The following GRIN2A variants were observed in gnomAD, a reference collection of about 807,000 sequenced individuals.
GRIN2A encodes glutamate ionotropic receptor NMDA type subunit 2A.
GRIN2A carries 22 observed loss-of-function variants against 113.4 expected under a neutral mutation model. That is an observed-to-expected ratio of 0.19 (90% CI 0.14 to 0.28). The LOEUF is 0.28. GRIN2A is among the 10% of genes least tolerant of loss of function. The pLI is 1.00. For synonymous variants in GRIN2A, 827 were observed against 738.4 expected (o/e 1.12, Z -1.94); for missense variants, 1,502 against 1,887.0 (o/e 0.80, Z 3.78).
chr16:10,013,973 G>C (rs1190615219), intron 2 of GRIN2A, among the ~76,000 whole-genome samples: 1 of 152,146 alleles, frequency 6.6e-6, no homozygotes, highest in Non-Finnish European at 1.5e-5. Flanking sequence ...AAGCTCCTCT[G>C]TTGAATGATA....
intron 2 of GRIN2A, among the ~76,000 whole-genome samples, chr16:10,060,701 G>C (rs2047537229): frequency 1.3e-5 from 2 of 152,142 alleles, no homozygotes; most frequent in Non-Finnish European, 2.9e-5. Flanking sequence ...TACAGATGAG[G>C]AAATTGAGAC....
intron 2 of GRIN2A, among the ~76,000 whole-genome samples, chr16:10,058,237 G>A (rs1245778070): frequency 6.6e-6 from 1 of 151,576 alleles, no homozygotes; most frequent in Non-Finnish European, 1.5e-5. Context: ...CTGGTGAAAA[G>A]AGCTAGACAC....
intron 3 of GRIN2A, among the ~76,000 whole-genome samples, chr16:9,921,122 C>T (rs1053962732): frequency 2.0e-5 from 3 of 152,170 alleles, no homozygotes; most frequent in Admixed American, 6.5e-5. Flanking sequence ...AGCTTCTCCC[C>T]TTTATTCTTC....
At chr16:10,080,289 G>A (rs955642129) in intron 2 of GRIN2A, among the ~76,000 whole-genome samples, 2 of 152,156 alleles carry the variant, frequency 1.3e-5, no homozygotes, top group African/African-American at 4.8e-5. Context: ...TGGGTTTCCT[G>A]ATTACCTTAT....
chr16:9,811,660 G>A (rs1567315869), intron 10 of GRIN2A, among the ~76,000 whole-genome samples: 1 of 152,202 alleles, frequency 6.6e-6, no homozygotes, highest in Non-Finnish European at 1.5e-5. Flanking sequence ...TCGGGATGCT[G>A]AGGCACGAGA....
intron 2 of GRIN2A, among the ~76,000 whole-genome samples, chr16:10,005,207 C>T (rs1456486842): frequency 6.6e-6 from 1 of 152,088 alleles, no homozygotes; most frequent in African/African-American, 2.4e-5. Flanking sequence ...ACTTCTTTGC[C>T]AGCACTTATT....
At chr16:9,987,354 T>C (rs2045998306) in intron 2 of GRIN2A, among the ~76,000 whole-genome samples, 1 of 152,204 alleles carries the variant, frequency 6.6e-6, no homozygotes, top group Non-Finnish European at 1.5e-5. Context: ...CTCCCATTTA[T>C]AACTCAGAAA....
chr16:10,063,869 G>T (rs1177550066), intron 2 of GRIN2A, among the ~76,000 whole-genome samples: 1 of 152,108 alleles, frequency 6.6e-6, no homozygotes, highest in Non-Finnish European at 1.5e-5. Context: ...GCTGATAATG[G>T]AGCAAATACC....
intron 2 of GRIN2A, among the ~76,000 whole-genome samples, chr16:10,134,163 A>C (rs1433318972): frequency 6.9e-6 from 1 of 144,606 alleles, no homozygotes; most frequent in Admixed American, 7.1e-5. Flanking sequence ...ACCACACTCC[A>C]GTCTGGCCTT....
chr16:9,952,494 G>A (rs909713331), intron 2 of GRIN2A, among the ~76,000 whole-genome samples: 8 of 152,162 alleles, frequency 5.3e-5, no homozygotes, highest in Admixed American at 3.3e-4. Context: ...AGAAGTGTGT[G>A]GCTAGGGGAA....
intron 2 of GRIN2A, among the ~76,000 whole-genome samples, chr16:10,039,836 G>T (rs1411922206): frequency 1.2e-5 from 1 of 85,444 alleles, no homozygotes; most frequent in African/African-American, 5.8e-5. Flanking sequence ...AGAGAGAGAG[G>T]AGTCCTGGTC....
rs541889322 is a variant in GRIN2A at position 9,995,062 on chromosome 16, T to C, written c.415-56511A>G. The stretch of plus-strand genomic sequence containing the variant: ...CCCTGAGACTGGGAGAAAGGAAGAC[T>C]GTTGGTCCTTGGTTTCATCAAATTC... On this transcript the variant is annotated intron_variant, in intron 2 of 12. Transcript: ENST00000330684. Among the ~76,000 whole-genome samples, 116 of 152,298 alleles carry C rather than the reference T, an allele frequency of 7.6e-4. 3 individuals are homozygous for C. The South Asian group carries it at 0.024, about 32-fold the overall frequency.
intron 2 of GRIN2A, among the ~76,000 whole-genome samples, chr16:10,022,596 C>A (rs1361205075): frequency 6.6e-6 from 1 of 152,234 alleles, no homozygotes; most frequent in Non-Finnish European, 1.5e-5. Flanking sequence ...TCTCTTCCCT[C>A]ACCTCAGACT....
At chr16:10,002,149 T>C (rs1443999507) in intron 2 of GRIN2A, among the ~76,000 whole-genome samples, 1 of 152,208 alleles carries the variant, frequency 6.6e-6, no homozygotes, top group African/African-American at 2.4e-5. Flanking sequence ...TGTATCACAC[T>C]AGAGCTTGCA....
chr16:10,040,545 TCA>T (rs1188206261), intron 2 of GRIN2A, among the ~76,000 whole-genome samples: 2 of 145,358 alleles, frequency 1.4e-5, no homozygotes, highest in Non-Finnish European at 3.0e-5. Flanking sequence ...TGCTGCACAC[TCA>T]CAGCAGACAT....
At chr16:9,858,732 T>C (rs2043011041) in intron 4 of GRIN2A, among the ~76,000 whole-genome samples, 1 of 152,196 alleles carries the variant, frequency 6.6e-6, no homozygotes, top group South Asian at 2.1e-4. Context: ...CTTATCAAAA[T>C]GTTCAGCCAA....
At chr16:9,851,562 A>C (rs2042882964) in intron 4 of GRIN2A, among the ~76,000 whole-genome samples, 1 of 152,248 alleles carries the variant, frequency 6.6e-6, no homozygotes, top group Non-Finnish European at 1.5e-5. Flanking sequence ...TAGATAAAGA[A>C]ATATACAAGT....
At chr16:10,163,078 A>G (rs2049837006) in intron 2 of GRIN2A, among the ~76,000 whole-genome samples, 1 of 152,220 alleles carries the variant, frequency 6.6e-6, no homozygotes, top group South Asian at 2.1e-4. Flanking sequence ...ATCACACCCC[A>G]AAACCAGAGA....
rs765563127 is a variant in GRIN2A, at chr16:9,761,543, G to A, written c.*1606C>T. The A allele has an allele frequency of 5.7e-5, 13 of 228,306 alleles. No homozygotes were observed. Among genetic ancestry groups the A allele is most frequent in the Non-Finnish European group, 8.7e-5 (10 of 115,132 alleles). 14.1% of individuals were successfully genotyped at this position (228,306 alleles called of 1,614,324 possible). On this transcript the variant is annotated 3_prime_UTR_variant, in exon 13 of 13. Coordinates refer to ENST00000330684, the MANE Select transcript of GRIN2A (RefSeq NM_001134407.3). ...TTAACAGAGTAGAACTATATAAAAG[G>A]TTTAGTTAATATTATTTGCTGGTTT...
Sources: allele counts gnomAD v4.1 joint callset (sites outside exome capture counted in the v4.1 genomes callset), GRCh38; gene constraint gnomAD v4.1.1; transcripts MANE v1.5; gene names NCBI Gene and HGNC (gene_info 2026-07-23, HGNC 2026-07-21).